BARD1: variants seen among roughly 807,000 people sequenced by gnomAD.
BARD1 encodes BRCA1-associated RING domain protein 1.
A neutral mutation model predicts 77.0 loss-of-function variants in BARD1; 73 were observed. The ratio of observed to expected loss-of-function variants is 0.95; its 90% CI spans 0.79 to 1.15. The LOEUF (loss-of-function observed/expected upper bound fraction) is 1.15. Among genes scored for constraint, BARD1 ranks in the 50% most tolerant of loss-of-function variants. The pLI is 0.00. For synonymous variants in BARD1, 384 were observed against 338.0 expected, an observed-to-expected ratio of 1.14 and a Z score of -1.49; for missense variants, 993 against 938.8, an observed-to-expected ratio of 1.06 and a Z score of -0.75.
At chr2:214,801,898 C>T (rs192529189) in intron 1 of BARD1, among the ~76,000 whole-genome samples, 11 of 144,804 alleles carry the variant, frequency 7.6e-5, no homozygotes, top group African/African-American at 2.5e-4. Flanking sequence ...CTTGCTCTGT[C>T]GCCCAGGCTG....
At chr2:214,788,670 A>T (rs6747897) in intron 3 of BARD1, among the ~76,000 whole-genome samples, 77,102 of 151,896 alleles carry the variant, frequency 0.51, 20,496 homozygotes, top group Non-Finnish European at 0.59. Flanking sequence ...TCTACACATG[A>T]CCATTTAACA....
At chr2:214,800,822 T>C (rs2106153255) in intron 1 of BARD1, among the ~76,000 whole-genome samples, 1 of 152,322 alleles carries the variant, frequency 6.6e-6, no homozygotes, top group South Asian at 2.1e-4. Flanking sequence ...TAAGAGATGC[T>C]ACAGAACTGT....
At chr2:214,793,405 T>C (rs1695618815) in intron 2 of BARD1, among the ~76,000 whole-genome samples, 1 of 152,112 alleles carries the variant, frequency 6.6e-6, no homozygotes, top group Admixed American at 6.6e-5. Context: ...ACCATCTAAT[T>C]CAAAAAATGT....
At chr2:214,773,135 C>A (rs13423245) in intron 4 of BARD1, among the ~76,000 whole-genome samples, 1 of 151,782 alleles carries the variant, frequency 6.6e-6, no homozygotes, top group Admixed American at 6.6e-5. Flanking sequence ...TTTGTACATA[C>A]TGCAGATCCA....
At chr2:214,772,831 C>CTTGAA (rs1694568975) in intron 4 of BARD1, among the ~76,000 whole-genome samples, 1 of 152,150 alleles carries the variant, frequency 6.6e-6, no homozygotes. Flanking sequence ...ACTGGAATAG[C>CTTGAA]TTGAACTGAT....
At chr2:214,788,145 T>C (rs1369790081) in intron 3 of BARD1, among the ~76,000 whole-genome samples, 1 of 151,528 alleles carries the variant, frequency 6.6e-6, no homozygotes, top group East Asian at 1.9e-4. Context: ...AAGCAGAAAA[T>C]AGAAAAGGAA....
chr2:214,763,856 G>T (rs1694074267), intron 6 of BARD1, among the ~76,000 whole-genome samples: 1 of 152,130 alleles, frequency 6.6e-6, no homozygotes, highest in South Asian at 2.1e-4. Context: ...CCCTTCCCAT[G>T]ATCTCCTTAA....
intron 6 of BARD1, among the ~76,000 whole-genome samples, chr2:214,753,070 C>T (rs566637446): frequency 6.6e-6 from 1 of 152,084 alleles, no homozygotes; most frequent in Non-Finnish European, 1.5e-5. Context: ...CTATAATAAT[C>T]ACAACCATCG....
chr2:214,728,251 A>G lies in BARD1; in HGVS notation c.*425T>C, dbSNP rs1032644701. On this transcript the variant is annotated 3_prime_UTR_variant, in exon 11 of 11. Transcript: ENST00000260947. ...AAATACTCTTTTTTCAATAAAGCCA[A>G]AATAAATTGTTTGATAATATTCTGT... 23 of 241,512 alleles carry G rather than the reference A, an allele frequency of 9.5e-5. No individual in the cohort carries two copies. Among genetic ancestry groups the G allele is most frequent in the African/African-American group, 4.9e-4 (22 of 45,234 alleles). The allele number at this position is 241,512 out of a possible 1,614,324, so 15.0% of individuals were successfully genotyped here.
intron 4 of BARD1, 126 bp downstream of exon 4, chr2:214,780,434 G>T: frequency 1.2e-6 from 1 of 842,148 alleles, no homozygotes; most frequent in Non-Finnish European, 1.9e-6. Context: ...CTCTGGTTCA[G>T]AGGAAGTATC....
Position 214,809,528 on chromosome 2 carries a change from G to T in BARD1, c.42C>A (p.Ile14=). 6.3e-7 allele frequency: 1 copy of T among 1,587,384 alleles called. No individual in the cohort carries two copies. The highest frequency in any genetic ancestry group is 8.6e-7 in the Non-Finnish European group (1 of 1,168,806). The change falls in exon 1 of 11, where the codon ATC becomes ATA. Residue 14 remains isoleucine (I), a synonymous_variant. Transcript: ENST00000260947. ...CGGAACGAGGCTCGTTCCCGGAGCG[G>T]ATCCTCGGCTGCCGGTTCCTCGGCT... ...NRQPRNRQPR[I]RSGNEPRSAP... is the part of the protein sequence containing the mutation.
chr2:214,767,678 A>C (rs769158640), intron 5 of BARD1, 24 bp from the exon 6 acceptor site: 1 of 1,605,052 alleles, frequency 6.2e-7, no homozygotes, highest in South Asian at 1.1e-5. Context: ...TTGAAAAAGA[A>C]GTGAAAGAAG....
intron 9 of BARD1, among the ~76,000 whole-genome samples, chr2:214,733,792 A>T (rs553144687): frequency 3.2e-4 from 49 of 152,308 alleles, no homozygotes; most frequent in African/African-American, 1.1e-3. Flanking sequence ...GATATTAAGG[A>T]TGCCACTGAG....
rs986922616 is a variant in BARD1, at chr2:214,726,410, T to C, written c.*2266A>G. ...ACAAAGCAATCAGTGTGTAATTGTT[T>C]CTTAATGACTATTCCAAACTATCAA... On this transcript the variant is annotated 3_prime_UTR_variant, in exon 11 of 11. Coordinates refer to ENST00000260947, the MANE Select transcript of BARD1 (RefSeq NM_000465.4). 4.8e-6 allele frequency: 1 copy of C among 208,830 alleles called. No homozygotes were observed. The highest frequency in any genetic ancestry group is 2.3e-5 in the African/African-American group (1 of 44,110). 12.9% of individuals were successfully genotyped at this position (208,830 alleles called of 1,614,324 possible).
At chr2:214,793,921 T>C (rs1695641199) in intron 2 of BARD1, among the ~76,000 whole-genome samples, 1 of 152,108 alleles carries the variant, frequency 6.6e-6, no homozygotes, top group African/African-American at 2.4e-5. Flanking sequence ...TTTATTGATA[T>C]AGTTTCAGAT....
intron 9 of BARD1, among the ~76,000 whole-genome samples, chr2:214,731,648 T>A (rs553603566): frequency 6.6e-6 from 1 of 152,360 alleles, no homozygotes; most frequent in East Asian, 1.9e-4. Context: ...CAATGAATTA[T>A]CTTCATCATA....
At chr2:214,766,965 TCCC>T (rs1236008789) in intron 6 of BARD1, among the ~76,000 whole-genome samples, 1 of 152,140 alleles carries the variant, frequency 6.6e-6, no homozygotes, top group African/African-American at 2.4e-5. Context: ...TCTGCTCCTC[TCCC>T]TCCTCCCATC....
chr2:214,781,335 T>C lies in BARD1; in HGVS notation c.539A>G (p.Tyr180Cys), dbSNP rs1553622631. The C allele has an allele frequency of 6.2e-7, 1 of 1,613,512 alleles. No homozygotes were observed. The highest frequency in any genetic ancestry group is 1.3e-5 in the African/African-American group (1 of 75,038). Reference protein sequence around the residue: ...KKDASAQQDSYEFVSPSPPAD... With the variant: ...KKDASAQQDSCEFVSPSPPAD... ...AGGAGGACTTGGGGAAACAAATTCA[T>C]ATGAGTCTTGCTGAGCACTTGCATC... The change falls in exon 4 of 11, where the codon TAT becomes TGT. Residue 180 changes from tyrosine (Y) to cysteine (C), a missense_variant. Physicochemically the swap from Tyr to Cys is radical, Grantham distance 194. Coordinates refer to ENST00000260947, the MANE Select transcript of BARD1 (RefSeq NM_000465.4).
Position 214,728,855 on chromosome 2 carries a change from T to C in BARD1, c.2155A>G (p.Thr719Ala), listed in dbSNP as rs771852699. Residue 719 changes from threonine (T) to alanine (A), a missense_variant, in exon 11 of 11, where the codon ACA becomes GCA. Transcript: ENST00000260947. ...TCGGGTCTCGCATGGTATGCGACTG[T>C]ATTGATGGTCTGAGTCACGTCACTG... ...PDSDVTQTIN[T>A]VAYHARPDSD... 5.0e-6 allele frequency: 8 copies of C among 1,614,096 alleles called. 1 individual carries two copies. The Admixed American group carries it at 1.2e-4, about 24-fold the overall frequency.
Sources: gnomAD v4.1 joint callset for allele counts (sites outside exome capture counted in the v4.1 genomes callset) on GRCh38, gnomAD v4.1.1 for gene constraint, MANE v1.5 for transcripts, NCBI Gene and HGNC (gene_info 2026-07-23, HGNC 2026-07-21) for gene names.